PPP2R2A: variants seen among roughly 807,000 people sequenced by gnomAD.
PPP2R2A encodes serine/threonine-protein phosphatase 2A 55 kDa regulatory subunit B alpha isoform.
In PPP2R2A, 9 loss-of-function variants were observed where a neutral mutation model predicts 53.2. That is an observed-to-expected ratio of 0.17 (90% CI 0.10 to 0.30). PPP2R2A has a LOEUF of 0.30. Among genes scored for constraint, PPP2R2A ranks in the 10% least tolerant of loss-of-function variants. The pLI, the probability that PPP2R2A is intolerant of heterozygous loss-of-function variation, is 1.00. For missense variants in PPP2R2A, 235 were observed against 534.6 expected (o/e 0.44, Z 5.53); for synonymous variants, 169 against 174.2 (o/e 0.97, Z 0.23).
Position 26,303,599 on chromosome 8 carries a change from A to G in PPP2R2A, c.82+9859A>G, listed in dbSNP as rs372383409. Among the ~76,000 whole-genome samples, 116 of 152,314 alleles carry G rather than the reference A, an allele frequency of 7.6e-4. 3 individuals are homozygous for G. The South Asian group carries it at 0.024, about 31-fold the overall frequency. Reference sequence around the variant, plus strand: ...AAATCCTGAAGTGAACAACATAATTATATTTTAAATAGTTAAATTTCCCAT... The same window carrying G: ...AAATCCTGAAGTGAACAACATAATTGTATTTTAAATAGTTAAATTTCCCAT... On this transcript the variant is annotated intron_variant, in intron 2 of 9. Transcript: ENST00000380737.
At chr8:26,300,131 A>T (rs1212373604) in intron 2 of PPP2R2A, among the ~76,000 whole-genome samples, 1 of 152,186 alleles carries the variant, frequency 6.6e-6, no homozygotes, top group African/African-American at 2.4e-5. Context: ...TTGACAAAAA[A>T]TTATGAGAGA....
rs144962926 is a variant in PPP2R2A at position 26,354,786 on chromosome 8, T to TG, written c.346+154dup. 29,609 of 725,042 alleles carry TG rather than the reference T, an allele frequency of 0.041. 960 individuals carry two copies. Among genetic ancestry groups the TG allele is most frequent in the South Asian group, 0.11 (1,824 of 16,532 alleles). 44.9% of individuals were successfully genotyped at this position (725,042 alleles called of 1,614,324 possible). ...TAAACTCTACTTTTTTACTGTCACT[T>TG]GCAGTTTTTAGATTCTCTGAAAGAT... On this transcript the variant is annotated intron_variant, in intron 4 of 9. Coordinates refer to ENST00000380737, the MANE Select transcript of PPP2R2A (RefSeq NM_002717.4). This position sits in a 1 kb window ranked among gnomAD's most constrained non-coding sequence, Gnocchi z 4.6.
Sources: gnomAD v4.1 joint callset for allele counts (sites outside exome capture counted in the v4.1 genomes callset) on GRCh38, gnomAD v4.1.1 for gene constraint, Gnocchi (gnomAD v3.1) non-coding constraint, MANE v1.5 for transcripts, NCBI Gene and HGNC (gene_info 2026-07-23, HGNC 2026-07-21) for gene names.